Variants in GSDMD observed in about 807,000 individuals in gnomAD.
GSDMD encodes the protein gasdermin D, also known as gasdermin-D.
A neutral mutation model predicts 46.7 loss-of-function variants in GSDMD; 46 were observed. The observed-to-expected ratio is 0.99, with a 90% CI of 0.78 to 1.26. The LOEUF (loss-of-function observed/expected upper bound fraction) is 1.26, where lower values mean the gene tolerates loss of function less well. GSDMD is among the 50% of genes most tolerant of loss of function. The probability of loss-of-function intolerance (pLI) is 0.00; values close to 1 mark genes in which losing one functional copy is unlikely to be tolerated. For synonymous variants in GSDMD, 307 were observed against 283.1 expected (o/e 1.08, Z -0.85); for missense variants, 649 against 638.8 (o/e 1.02, Z -0.17).
In GSDMD at chr8:143,558,376, A is replaced by G; in HGVS notation, c.-80A>G. On this transcript the variant is annotated 5_prime_UTR_variant, in exon 1 of 11. Coordinates refer to ENST00000262580, the MANE Select transcript of GSDMD (RefSeq NM_024736.7). ...TTCACTTTTAGCTCTGGGCACCTCC[A>G]GCTCCTGCTCGCCGGACGGCTCCCA... The G allele has an allele frequency of 6.6e-7, 1 of 1,519,834 alleles. No homozygotes were observed. The highest frequency in any genetic ancestry group is 1.2e-5 in the South Asian group (1 of 83,130). The allele number at this position is 1,519,834 out of a possible 1,614,324, so 94.1% of individuals were successfully genotyped here. A position where few individuals can be genotyped will look rare whatever the true frequency, so the allele number is the denominator to read the frequency against.
upstream of GSDMD, chr8:143,557,925 C>T: frequency 2.2e-6 from 1 of 447,320 alleles, no homozygotes; most frequent in Non-Finnish European, 4.4e-6. Context: ...GACGGAGTCT[C>T]ACTCTGTCGC....
chr8:143,558,366 G>A lies in GSDMD; in HGVS notation c.-90G>A. On this transcript the variant is annotated 5_prime_UTR_variant, in exon 1 of 11. Coordinates refer to ENST00000262580, the MANE Select transcript of GSDMD (RefSeq NM_024736.7). ...AGGTTGCAGTTTCACTTTTAGCTCT[G>A]GGCACCTCCAGCTCCTGCTCGCCGG... The A allele has an allele frequency of 6.6e-7, 1 of 1,523,206 alleles. No individual in the cohort carries two copies. Among genetic ancestry groups the A allele is most frequent in the Non-Finnish European group, 8.8e-7 (1 of 1,141,676 alleles). The allele number at this position is 1,523,206 out of a possible 1,614,324, so 94.4% of individuals were successfully genotyped here.
At chr8:143,559,677 C>A in intron 2 of GSDMD, 100 bp from the exon 3 acceptor site, 1 of 1,443,582 alleles carries the variant, frequency 6.9e-7, no homozygotes, top group South Asian at 1.3e-5. Context: ...GAGGCCGGGG[C>A]CTTTCCAAAG....
chr8:143,558,240 C>T, upstream of GSDMD: 12 of 1,334,498 alleles, frequency 9.0e-6, no homozygotes, highest in Non-Finnish European at 1.2e-5. Context: ...ACGCGCGAGG[C>T]TGGTGCTCCA....
intron 2 of GSDMD, 46 bp from the exon 3 acceptor site, chr8:143,559,731 G>GAGAGGCGGGGC (rs1453235635): frequency 1.3e-6 from 2 of 1,522,610 alleles, no homozygotes; most frequent in Middle Eastern, 2.4e-4. Context: ...GGGGGCGGGG[G>GAGAGGCGGGGC]AGAGGCGGGG....
At chr8:143,558,504 C>A (rs1037860856) in intron 1 of GSDMD, 53 bp downstream of exon 1, 1 of 1,392,666 alleles carries the variant, frequency 7.2e-7, no homozygotes, top group East Asian at 3.0e-5. Context: ...CCGAGTGGGG[C>A]CGGCCGCTGG....
At chr8:143,557,616 A>C (rs1280127627), upstream of GSDMD, among the ~76,000 whole-genome samples, 1 of 152,212 alleles carries the variant, frequency 6.6e-6, no homozygotes, top group Non-Finnish European at 1.5e-5. Flanking sequence ...TAACTCTTGG[A>C]GGAGCTGCCA....
Position 143,560,607 on chromosome 8 carries a change from C to T in GSDMD, c.415C>T (p.Leu139=). Residue 139 remains leucine, a synonymous_variant, in exon 4 of 11, where the codon CTG becomes TTG. Coordinates refer to ENST00000262580, the MANE Select transcript of GSDMD (RefSeq NM_024736.7). The part of the protein sequence containing the change: ...TWQTLLHERH[L]RQPEHKVLQQ... ...TTTGCTGCTCCTCGGACACAGGCACCTGCGGCAGCCAGAACACAAAGTCCT... is the reference window on the plus strand; with the variant it reads ...TTTGCTGCTCCTCGGACACAGGCACTTGCGGCAGCCAGAACACAAAGTCCT... 1.3e-6 allele frequency: 2 copies of T among 1,580,886 alleles called. No individual in the cohort carries two copies. The highest frequency in any genetic ancestry group is 1.7e-6 in the Non-Finnish European group (2 of 1,163,616).
chr8:143,560,001 C>CAGGGCAGGGT, intron 3 of GSDMD, 32 bp downstream of exon 3: 1 of 1,563,390 alleles, frequency 6.4e-7, no homozygotes, highest in Non-Finnish European at 8.8e-7. Context: ...CAGGGCAGGG[C>CAGGGCAGGGT]CCCACCTACC....
chr8:143,555,583 C>T (rs1823285391), upstream of GSDMD, among the ~76,000 whole-genome samples: 1 of 152,212 alleles, frequency 6.6e-6, no homozygotes, highest in Admixed American at 6.5e-5. Flanking sequence ...TCCATCTTCA[C>T]CATGGAGGCT....
chr8:143,560,989 C>T lies in GSDMD; in HGVS notation c.580-13C>T. 3.1e-6 allele frequency: 5 copies of T among 1,610,492 alleles called. No individual in the cohort carries two copies. Among genetic ancestry groups the T allele is most frequent in the Non-Finnish European group, 4.2e-6 (5 of 1,178,066 alleles). Reference sequence around the variant, plus strand: ...TGCCAGGGCCCAGCCCCGAGCCCATCTCCATGCCTCAGGGTGAGGGCCAGG... The same window carrying T: ...TGCCAGGGCCCAGCCCCGAGCCCATTTCCATGCCTCAGGGTGAGGGCCAGG... On this transcript the variant is annotated splice_polypyrimidine_tract_variant and intron_variant, in intron 4 of 10. Coordinates refer to ENST00000262580, the MANE Select transcript of GSDMD (RefSeq NM_024736.7).
In GSDMD at chr8:143,559,424, G is replaced by A; in HGVS notation, c.89G>A (p.Ser30Asn). The change falls in exon 2 of 11, where the codon AGC becomes AAC. Residue 30 changes from serine (S) to asparagine (N), a missense_variant. Ser to Asn is a conservative substitution (Grantham distance 46). Transcript: ENST00000262580. Reference sequence around the variant, plus strand: ...TTCATCCCTGTGACCAGCCTGCAGAGCTCCACTGGCTTCCAGCCCTACTGC... The same window carrying A: ...TTCATCCCTGTGACCAGCCTGCAGAACTCCACTGGCTTCCAGCCCTACTGC... ...GEFIPVTSLQSSTGFQPYCLV... is the reference protein window; with the variant it reads ...GEFIPVTSLQNSTGFQPYCLV... The A allele has an allele frequency of 6.2e-7, 1 of 1,612,936 alleles. No homozygotes were observed. Among genetic ancestry groups the A allele is most frequent in the South Asian group, 1.1e-5 (1 of 91,090 alleles).
rs771791468 is a variant in GSDMD at position 143,560,832 on chromosome 8, G to A, written c.579+61G>A. ...ACGTGGGCATGCGGCGGCGGGTGAC[G>A]GAGGCGGCGGGCTGGGCTCCGCCAA... On this transcript the variant is annotated intron_variant, in intron 4 of 10. Coordinates refer to ENST00000262580, the MANE Select transcript of GSDMD (RefSeq NM_024736.7). The A allele has an allele frequency of 1.1e-5, 16 of 1,454,644 alleles. No individual in the cohort carries two copies. In the South Asian group the frequency reaches 1.1e-4, roughly 10 times the overall value. 90.1% of individuals were successfully genotyped at this position (1,454,644 alleles called of 1,614,324 possible). A position where few individuals can be genotyped will look rare whatever the true frequency, so the allele number is the denominator to read the frequency against.
At chr8:143,558,230 A>C (rs1439618188), upstream of GSDMD, 9 of 1,254,760 alleles carry the variant, frequency 7.2e-6, no homozygotes, top group Non-Finnish European at 9.5e-6. Flanking sequence ...GTTCCTCCGG[A>C]CGCGCGAGGC....
intron 1 of GSDMD, 52 bp downstream of exon 1, chr8:143,558,503 G>T (rs943641576): frequency 2.9e-5 from 41 of 1,393,092 alleles, no homozygotes; most frequent in Non-Finnish European, 3.5e-5. Flanking sequence ...CCCGAGTGGG[G>T]CCGGCCGCTG....
chr8:143,557,764 T>C, upstream of GSDMD: 2 of 314,208 alleles, frequency 6.4e-6, no homozygotes, highest in East Asian at 1.2e-4. Flanking sequence ...TATCTCTCTG[T>C]GGATTCCATT....
chr8:143,561,820 T>C lies in GSDMD; in HGVS notation c.815T>C (p.Phe272Ser). Residue 272 changes from phenylalanine (F) to serine (S), a missense_variant, in exon 7 of 11, where the codon TTC becomes TCC. Coordinates refer to ENST00000262580, the MANE Select transcript of GSDMD (RefSeq NM_024736.7). ...GLSMMRCLHN[F>S]LTDGVPAEGA... ...TCCATGATGAGGTGCCTCCACAACT[T>C]CCTGACAGGTCAGTGCCCTCCTGAC... 6.2e-7 allele frequency: 1 copy of C among 1,610,826 alleles called. No homozygotes were observed. The highest frequency in any genetic ancestry group is 8.5e-7 in the Non-Finnish European group (1 of 1,178,988).
At chr8:143,558,267 G>GGCTGGTGCTCC, upstream of GSDMD, 2 of 1,448,598 alleles carry the variant, frequency 1.4e-6, no homozygotes, top group African/African-American at 2.9e-5. Flanking sequence ...CTGGCGGGAA[G>GGCTGGTGCTCC]AGGGGGCAGG....
chr8:143,562,707 A>G lies in GSDMD; in HGVS notation c.1258A>G (p.Thr420Ala). ...GAGTGCCCCGTGGCAGGAGCGCAGC[A>G]CCATGTCCCTGCCCCCCGGGCTCCT... ...EQSAPWQERS[T>A]MSLPPGLLGN... Residue 420 changes from threonine to alanine, a missense_variant, in exon 11 of 11, where the codon ACC (threonine) becomes GCC (alanine). Transcript: ENST00000262580. 6.2e-7 allele frequency: 1 copy of G among 1,600,020 alleles called. No homozygotes were observed. Among genetic ancestry groups the G allele is most frequent in the South Asian group, 1.1e-5 (1 of 89,300 alleles).
Sources: gnomAD v4.1 joint callset for allele counts (sites outside exome capture counted in the v4.1 genomes callset) on GRCh38, gnomAD v4.1.1 for gene constraint, MANE v1.5 for transcripts, NCBI Gene and HGNC (gene_info 2026-07-23, HGNC 2026-07-21) for gene names.